The following GPHN variants were observed in gnomAD, a reference collection of about 807,000 sequenced individuals.
GPHN encodes the protein gephyrin.
In GPHN, 17 loss-of-function variants were observed where a neutral mutation model predicts 95.5. The observed-to-expected ratio is 0.18, with a 90% CI of 0.12 to 0.27. GPHN has a LOEUF of 0.27. Among genes scored for constraint, GPHN ranks in the 10% least tolerant of loss-of-function variants. GPHN has a pLI of 1.00. For missense variants in GPHN, 660 were observed against 978.1 expected (o/e 0.67, Z 4.34); for synonymous variants, 320 against 322.5 (o/e 0.99, Z 0.08).
the GPHN span, among the ~76,000 whole-genome samples, chr14:67,248,854 C>T: frequency 1.3e-5 from 2 of 151,962 alleles, no homozygotes; most frequent in African/African-American, 4.8e-5. Context: ...GAGATGGGGT[C>T]TCACTGTGTT....
At chr14:67,049,760 C>T (rs1485909141) in intron 10 of GPHN, among the ~76,000 whole-genome samples, 2 of 152,180 alleles carry the variant, frequency 1.3e-5, no homozygotes, top group African/African-American at 4.8e-5. Flanking sequence ...ATCCGCCCAC[C>T]TCAGCCTCCC....
intron 5 of GPHN, among the ~76,000 whole-genome samples, chr14:66,910,704 C>T (rs1404076746): frequency 1.3e-5 from 2 of 151,974 alleles, no homozygotes; most frequent in Non-Finnish European, 2.9e-5. Flanking sequence ...ACAATATGCA[C>T]ACACATACAT....
At chr14:66,591,964 G>T (rs917855345) in intron 1 of GPHN, among the ~76,000 whole-genome samples, 1 of 152,142 alleles carries the variant, frequency 6.6e-6, no homozygotes, top group Non-Finnish European at 1.5e-5. Flanking sequence ...CAGATATATA[G>T]GCTAATGGAA....
chr14:66,540,357 T>C (rs975672510), intron 1 of GPHN, among the ~76,000 whole-genome samples: 7 of 152,226 alleles, frequency 4.6e-5, no homozygotes, highest in Non-Finnish European at 8.8e-5. Context: ...AGCAGGGATG[T>C]TACTCTTATG....
the GPHN span, chr14:67,652,694 T>C: frequency 6.6e-6 from 1 of 152,112 alleles, no homozygotes; most frequent in South Asian, 2.1e-4. Context: ...CCCTACAATA[T>C]AGAACTTCCA....
chr14:67,150,314 G>A (rs940878867), intron 18 of GPHN, among the ~76,000 whole-genome samples: 18 of 150,060 alleles, frequency 1.2e-4, no homozygotes, highest in Admixed American at 4.6e-4. Flanking sequence ...AGTGGCGGGC[G>A]CCTGTAGTCC....
At chr14:67,704,269 G>A in the GPHN span, among the ~76,000 whole-genome samples, 1 of 151,986 alleles carries the variant, frequency 6.6e-6, no homozygotes, top group Non-Finnish European at 1.5e-5. Flanking sequence ...GCAGCTAGAG[G>A]CAAAAAGGAG....
At chr14:66,584,095 C>T (rs2061321431) in intron 1 of GPHN, among the ~76,000 whole-genome samples, 2 of 152,044 alleles carry the variant, frequency 1.3e-5, no homozygotes, top group African/African-American at 4.8e-5. Flanking sequence ...TTGAAGAGGT[C>T]CTTCACATCC....
At chr14:66,643,097 TA>T (rs2064522249) in intron 1 of GPHN, among the ~76,000 whole-genome samples, 1 of 151,954 alleles carries the variant, frequency 6.6e-6, no homozygotes, top group African/African-American at 2.4e-5. Context: ...TAAAAATGAA[TA>T]AAAGACTTGA....
Position 67,089,057 on chromosome 14 carries a change from G to T in GPHN, c.1219G>T (p.Asp407Tyr), listed in dbSNP as rs368406734. ...ACCCCCCTTCCCAGCATCAGTAAAA[G>T]ATGGCTATGCTGTCCGAGGTAAATA... ...NLPPFPASVK[D>Y]GYAVRAADGP... Residue 407 changes from aspartate (D) to tyrosine (Y), a missense_variant, in exon 12 of 23, where the codon GAT becomes TAT. By Grantham distance (160) the Asp-to-Tyr change is radical. Coordinates refer to ENST00000478722, the MANE Select transcript of GPHN (RefSeq NM_020806.5). 6.6e-7 allele frequency: 1 copy of T among 1,522,394 alleles called. No individual in the cohort carries two copies. The highest frequency in any genetic ancestry group is 1.4e-5 in the African/African-American group (1 of 73,070). The allele number at this position is 1,522,394 out of a possible 1,614,324, so 94.3% of individuals were successfully genotyped here.
At chr14:67,125,297 A>C (rs1321153851) in intron 17 of GPHN, among the ~76,000 whole-genome samples, 1 of 152,132 alleles carries the variant, frequency 6.6e-6, no homozygotes, top group African/African-American at 2.4e-5. Flanking sequence ...AAGGTATTTA[A>C]TCTACAGCCT....
chr14:67,436,826 T>C, the GPHN span, among the ~76,000 whole-genome samples: 1 of 152,264 alleles, frequency 6.6e-6, no homozygotes, highest in Non-Finnish European at 1.5e-5. Context: ...GAGGCTGAGA[T>C]GGGAGGATCA....
the GPHN span, among the ~76,000 whole-genome samples, chr14:67,534,454 T>C: frequency 6.6e-6 from 1 of 152,086 alleles, no homozygotes; most frequent in South Asian, 2.1e-4. Flanking sequence ...GGTGTGGTGG[T>C]GTGGGCCTGT....
At chr14:66,598,164 A>G (rs1045619116) in intron 1 of GPHN, among the ~76,000 whole-genome samples, 1 of 152,172 alleles carries the variant, frequency 6.6e-6, no homozygotes, top group Non-Finnish European at 1.5e-5. Flanking sequence ...AAAAGACAGA[A>G]AAATTTATTT....
At position 66,543,546 on chromosome 14, in the gene GPHN, C is replaced by T. The variant is rs549383371; in HGVS notation, c.64+34955C>T. Among the ~76,000 whole-genome samples, 17 of 152,296 alleles carry T rather than the reference C, an allele frequency of 1.1e-4. No homozygotes were observed. The South Asian group carries it at 3.5e-3, about 32-fold the overall frequency. On this transcript the variant is annotated intron_variant, in intron 1 of 22. Coordinates refer to ENST00000478722, the MANE Select transcript of GPHN (RefSeq NM_020806.5). ...TCCTGAATTGTACACATATATACAC[C>T]TATGTCTGTATCTACTTGACATTAC...
At chr14:67,654,784 C>T in the GPHN span, among the ~76,000 whole-genome samples, 1 of 152,052 alleles carries the variant, frequency 6.6e-6, no homozygotes, top group South Asian at 2.1e-4. Flanking sequence ...AATTCTAGCA[C>T]TTTGGGAGGC....
At chr14:66,773,106 C>T (rs751261557) in intron 2 of GPHN, among the ~76,000 whole-genome samples, 10 of 152,158 alleles carry the variant, frequency 6.6e-5, no homozygotes, top group Non-Finnish European at 1.2e-4. Flanking sequence ...GCTGTGCAGA[C>T]TGAGTGGCAT....
At chr14:67,362,005 CTTTT>C in the GPHN span, among the ~76,000 whole-genome samples, 1 of 140,500 alleles carries the variant, frequency 7.1e-6, no homozygotes, top group Non-Finnish European at 1.6e-5. Flanking sequence ...AGGTAAGAGT[CTTTT>C]TTTTTTTTCT....
At chr14:66,980,015 A>G (rs1419366983) in intron 9 of GPHN, among the ~76,000 whole-genome samples, 2 of 152,160 alleles carry the variant, frequency 1.3e-5, no homozygotes, top group East Asian at 1.9e-4. Context: ...TCAGTTCACT[A>G]TCTTACATGG....
Sources: allele counts gnomAD v4.1 joint callset (sites outside exome capture counted in the v4.1 genomes callset), GRCh38; gene constraint gnomAD v4.1.1; transcripts MANE v1.5; gene names NCBI Gene and HGNC (gene_info 2026-07-23, HGNC 2026-07-21).